The following CPAP variants were observed in gnomAD, a reference collection of about 807,000 sequenced individuals.
The protein encoded by CPAP is centrosome assembly and centriole elongation protein.
the CPAP span, among the ~76,000 whole-genome samples, chr13:24,922,222 T>TGC: frequency 6.6e-6 from 1 of 152,198 alleles, no homozygotes; most frequent in Admixed American, 6.5e-5. Flanking sequence ...AGATAAATTC[T>TGC]CTGCACGGTG....
At chr13:24,885,245 A>C in the CPAP span, 1 of 1,358,358 alleles carries the variant, frequency 7.4e-7, no homozygotes. Context: ...TATTTTTTAT[A>C]GAATTCATTA....
the CPAP span, among the ~76,000 whole-genome samples, chr13:24,884,973 A>G: frequency 2.4e-4 from 36 of 152,334 alleles, no homozygotes; most frequent in East Asian, 6.5e-3. Context: ...TAAGAATAAA[A>G]CTGTGCTAGC....
At chr13:24,912,090 C>G in the CPAP span, 1 of 1,606,834 alleles carries the variant, frequency 6.2e-7, no homozygotes, top group Non-Finnish European at 8.5e-7. Flanking sequence ...ACAAAATTAA[C>G]TTTATTAAAT....
the CPAP span, among the ~76,000 whole-genome samples, chr13:24,896,711 G>A: frequency 2.0e-5 from 3 of 151,982 alleles, no homozygotes; most frequent in Non-Finnish European, 4.4e-5. Flanking sequence ...AGAAAGAGAA[G>A]GAAAAAAAGC....
the CPAP span, among the ~76,000 whole-genome samples, chr13:24,888,259 TAAAA>T: frequency 6.6e-6 from 1 of 151,242 alleles, no homozygotes; most frequent in East Asian, 1.9e-4. Flanking sequence ...AAACATACAT[TAAAA>T]AAAACACAAA....
the CPAP span, among the ~76,000 whole-genome samples, chr13:24,915,752 T>C: frequency 5.9e-5 from 9 of 152,252 alleles, no homozygotes; most frequent in East Asian, 1.7e-3. Flanking sequence ...TGAGCCGAGA[T>C]AGCGTTATTG....
the CPAP span, among the ~76,000 whole-genome samples, chr13:24,891,595 C>G: frequency 6.6e-6 from 1 of 152,032 alleles, no homozygotes; most frequent in Non-Finnish European, 1.5e-5. Flanking sequence ...ACAACAAACA[C>G]AGTCTGCTTC....
the CPAP span, chr13:24,884,355 C>T: frequency 6.2e-7 from 1 of 1,614,160 alleles, no homozygotes; most frequent in South Asian, 1.1e-5. Flanking sequence ...TGCTTCACGT[C>T]ACCATTAAAG....
the CPAP span, among the ~76,000 whole-genome samples, chr13:24,891,540 C>G: frequency 0.017 from 2,530 of 152,158 alleles, 74 homozygotes; most frequent in African/African-American, 0.058. Flanking sequence ...TGAGGCCATT[C>G]CTGACTCCTT....
chr13:24,905,361 GACTTATGTTTA>G, the CPAP span: 1 of 1,613,926 alleles, frequency 6.2e-7, no homozygotes, highest in Non-Finnish European at 8.5e-7. Flanking sequence ...GGTTGGTCTT[GACTTATGTTTA>G]ACTTGAGTTC....
chr13:24,909,842 T>C, the CPAP span: 1 of 1,614,016 alleles, frequency 6.2e-7, no homozygotes, highest in Admixed American at 1.7e-5. Flanking sequence ...CCACAGGTGC[T>C]TCTTGATACT....
chr13:24,920,831 T>C, the CPAP span, among the ~76,000 whole-genome samples: 1 of 151,644 alleles, frequency 6.6e-6, no homozygotes, highest in African/African-American at 2.4e-5. Context: ...TTCACTATGT[T>C]AGTCAGGTTG....
chr13:24,905,369 T>C, the CPAP span: 3 of 1,614,046 alleles, frequency 1.9e-6, no homozygotes, highest in Non-Finnish European at 2.5e-6. Context: ...TTGACTTATG[T>C]TTAACTTGAG....
At chr13:24,921,183 A>G in the CPAP span, among the ~76,000 whole-genome samples, 112,327 of 152,068 alleles carry the variant, frequency 0.74, 41,911 homozygotes, top group Admixed American at 0.82. Context: ...CCCGAGACCA[A>G]TTTGATCTAT....
chr13:24,912,731 A>C, the CPAP span: 7 of 1,614,190 alleles, frequency 4.3e-6, no homozygotes, highest in South Asian at 6.6e-5. Flanking sequence ...ATGCAAGGAA[A>C]GGCTGTATGG....
the CPAP span, chr13:24,933,192 A>G: frequency 7.7e-7 from 1 of 1,294,868 alleles, no homozygotes; most frequent in East Asian, 2.3e-5. Context: ...TCAGGGAACA[A>G]CAGGGTCATG....
the CPAP span, chr13:24,885,232 GTTTATTT>G: frequency 7.7e-7 from 1 of 1,299,042 alleles, no homozygotes. Context: ...TTTAACCCAT[GTTTATTT>G]TTTATAGAAT....
chr13:24,886,140 C>CA, the CPAP span: 1 of 439,156 alleles, frequency 2.3e-6, no homozygotes. Flanking sequence ...ACGCCCCCAC[C>CA]AACAACAAAG....
chr13:24,909,914 A>G, the CPAP span: 1 of 1,614,218 alleles, frequency 6.2e-7, no homozygotes, highest in South Asian at 1.1e-5. Flanking sequence ...CTCCATGAGC[A>G]GTTCTACAGA....
Sources: allele counts gnomAD v4.1 joint callset (sites outside exome capture counted in the v4.1 genomes callset), GRCh38; gene constraint gnomAD v4.1.1; transcripts MANE v1.5; gene names NCBI Gene and HGNC (gene_info 2026-07-23, HGNC 2026-07-21).